The following MAML3 variants were observed in gnomAD, a reference collection of about 807,000 sequenced individuals.
MAML3 encodes the protein mastermind-like protein 3.
Under a neutral mutation model 101.9 loss-of-function variants are expected in MAML3, and 27 were observed. That is an observed-to-expected ratio of 0.27 (90% CI 0.20 to 0.37). MAML3 has a LOEUF of 0.37. Among genes scored for constraint, MAML3 ranks in the 10% least tolerant of loss-of-function variants. The pLI, the probability that MAML3 is intolerant of heterozygous loss-of-function variation, is 1.00. For missense variants in MAML3, 1,316 were observed against 1,444.9 expected (o/e 0.91, Z 1.45); for synonymous variants, 501 against 555.9 (o/e 0.90, Z 1.39).
At chr4:139,828,109 C>T (rs1731095662) in intron 2 of MAML3, among the ~76,000 whole-genome samples, 1 of 152,196 alleles carries the variant, frequency 6.6e-6, no homozygotes, top group African/African-American at 2.4e-5. Flanking sequence ...AATTAGTCCT[C>T]TATGTAGGTT....
chr4:139,720,745 A>G (rs1272129267), intron 4 of MAML3, among the ~76,000 whole-genome samples: 2 of 152,224 alleles, frequency 1.3e-5, no homozygotes, highest in African/African-American at 2.4e-5. Context: ...TCCTCAACCA[A>G]TAAGATACTA....
At chr4:139,726,141 C>T (rs1472141187) in intron 3 of MAML3, among the ~76,000 whole-genome samples, 1 of 152,200 alleles carries the variant, frequency 6.6e-6, no homozygotes, top group Non-Finnish European at 1.5e-5. Context: ...CTTTTAACAA[C>T]ATAGAGCAGT....
chr4:139,726,310 T>A (rs1183767200), intron 3 of MAML3, among the ~76,000 whole-genome samples: 1 of 152,264 alleles, frequency 6.6e-6, no homozygotes. Context: ...ATCATATGAA[T>A]ATACCATAAT....
chr4:139,963,128 G>A (rs569121326), intron 1 of MAML3, among the ~76,000 whole-genome samples: 102 of 152,272 alleles, frequency 6.7e-4, no homozygotes, highest in Non-Finnish European at 1.2e-3. Flanking sequence ...AAACTTTAAT[G>A]TGCATACAAG....
At chr4:140,096,435 G>A (rs191661065) in intron 1 of MAML3, among the ~76,000 whole-genome samples, 28 of 152,246 alleles carry the variant, frequency 1.8e-4, no homozygotes, top group African/African-American at 3.1e-4. Context: ...GCTGAAATAC[G>A]TATCCGAAAG....
chr4:139,839,768 C>A (rs953820248), intron 2 of MAML3, among the ~76,000 whole-genome samples: 8 of 152,030 alleles, frequency 5.3e-5, no homozygotes, highest in Non-Finnish European at 1.2e-4. Flanking sequence ...ACTAATGAGG[C>A]CTGTACGCCA....
chr4:139,733,657 C>G (rs1367914514), intron 2 of MAML3, among the ~76,000 whole-genome samples: 9 of 151,612 alleles, frequency 5.9e-5, no homozygotes, highest in African/African-American at 2.2e-4. Flanking sequence ...CACTGAAGAC[C>G]TACAGGCAGG....
At chr4:139,974,639 G>A (rs926818758) in intron 1 of MAML3, among the ~76,000 whole-genome samples, 6 of 152,088 alleles carry the variant, frequency 3.9e-5, no homozygotes, top group African/African-American at 1.4e-4. Flanking sequence ...TGATTCCCGA[G>A]ACTCTTCTAG....
At chr4:139,867,084 G>A (rs186305707) in intron 2 of MAML3, among the ~76,000 whole-genome samples, 23 of 152,338 alleles carry the variant, frequency 1.5e-4, no homozygotes, top group Middle Eastern at 3.4e-3. Flanking sequence ...AATAAAGTCA[G>A]TTTTTGTAAA....
chr4:139,787,243 C>T (rs914519572), intron 2 of MAML3, among the ~76,000 whole-genome samples: 1 of 152,192 alleles, frequency 6.6e-6, no homozygotes, highest in African/African-American at 2.4e-5. Flanking sequence ...TAGTTCTGTG[C>T]CCCTTAATCA....
intron 1 of MAML3, among the ~76,000 whole-genome samples, chr4:140,043,669 C>T (rs1003385193): frequency 6.6e-5 from 10 of 152,172 alleles, no homozygotes; most frequent in African/African-American, 1.9e-4. Context: ...AGAGCTTACA[C>T]GGGTACACAC....
intron 1 of MAML3, among the ~76,000 whole-genome samples, chr4:140,119,157 A>C (rs1399690074): frequency 6.6e-6 from 1 of 152,014 alleles, no homozygotes; most frequent in Non-Finnish European, 1.5e-5. Context: ...GGTCAACCTC[A>C]AGATCTTATT....
At chr4:139,803,457 C>T (rs1477434460) in intron 2 of MAML3, among the ~76,000 whole-genome samples, 1 of 152,154 alleles carries the variant, frequency 6.6e-6, no homozygotes, top group Non-Finnish European at 1.5e-5. Context: ...TGTTCTTTTT[C>T]TTGGGCATAG....
intron 1 of MAML3, among the ~76,000 whole-genome samples, chr4:140,075,822 A>G (rs1018081538): frequency 3.3e-5 from 5 of 150,898 alleles, no homozygotes; most frequent in Admixed American, 1.3e-4. Context: ...GTGCAGTGGT[A>G]TGATCTTGGC....
chr4:139,798,037 AAAGAAAG>A (rs1560797493), intron 2 of MAML3, among the ~76,000 whole-genome samples: 8 of 7,472 alleles, frequency 1.1e-3, no homozygotes, highest in South Asian at 0.021. Flanking sequence ...AGAGAGAGAG[AAAGAAAG>A]AAAGAAAGAA....
intron 1 of MAML3, among the ~76,000 whole-genome samples, chr4:140,122,220 CTTT>C (rs369602172): frequency 1.6e-5 from 2 of 124,614 alleles, no homozygotes; most frequent in African/African-American, 6.1e-5. Context: ...TCAAACGAGA[CTTT>C]TTTTTTTTTT....
intron 1 of MAML3, among the ~76,000 whole-genome samples, chr4:140,148,800 A>C (rs946696998): frequency 3.9e-5 from 6 of 152,214 alleles, no homozygotes; most frequent in African/African-American, 1.2e-4. Flanking sequence ...CTCGGTAATA[A>C]CGCATTTATT....
rs1266484045 is a variant in MAML3 at position 139,895,819 on chromosome 4, C to A, written c.469-4852G>T. The stretch of plus-strand genomic sequence containing the variant: ...GAGGCTAGATCGTTGAGGTTCGAAT[C>A]AAATACATTTTCAGCATGCCACCTG... On this transcript the variant is annotated intron_variant, in intron 1 of 4. Transcript: ENST00000509479. Among the ~76,000 whole-genome samples, 3 of 152,204 alleles carry A rather than the reference C, an allele frequency of 2.0e-5. No homozygotes were observed. The East Asian group carries it at 5.8e-4, about 29-fold the overall frequency.
At chr4:139,909,895 A>G (rs374678065) in intron 1 of MAML3, among the ~76,000 whole-genome samples, 1 of 151,778 alleles carries the variant, frequency 6.6e-6, no homozygotes, top group Admixed American at 6.6e-5. Flanking sequence ...AGCCATACAC[A>G]TGAGTCTGCC....
Sources: gnomAD v4.1 joint callset for allele counts (sites outside exome capture counted in the v4.1 genomes callset) on GRCh38, gnomAD v4.1.1 for gene constraint, MANE v1.5 for transcripts, NCBI Gene and HGNC (gene_info 2026-07-23, HGNC 2026-07-21) for gene names.